The following FASLG variants were observed in gnomAD, a reference collection of about 807,000 sequenced individuals.
FASLG encodes tumor necrosis factor ligand superfamily member 6.
Under a neutral mutation model 24.6 loss-of-function variants are expected in FASLG, and 9 were observed. The ratio of observed to expected loss-of-function variants is 0.37; its 90% CI spans 0.22 to 0.64. FASLG has a LOEUF of 0.64. Among genes scored for constraint, FASLG ranks in the 30% least tolerant of loss-of-function variants. FASLG has a pLI of 0.64. For synonymous variants in FASLG, 130 were observed against 135.5 expected, an observed-to-expected ratio of 0.96 and a Z score of 0.28; for missense variants, 306 against 345.3, an observed-to-expected ratio of 0.89 and a Z score of 0.90.
At chr1:172,661,385 C>T (rs1355603133) in intron 2 of FASLG, among the ~76,000 whole-genome samples, 3 of 152,136 alleles carry the variant, frequency 2.0e-5, no homozygotes, top group Admixed American at 2.0e-4. Flanking sequence ...TGCTCTGGCC[C>T]CTGCTTCTGT....
intron 2 of FASLG, 24 bp downstream of exon 2, chr1:172,660,164 T>C (rs1659106555): frequency 2.5e-6 from 4 of 1,610,436 alleles, no homozygotes; most frequent in East Asian, 2.2e-5. Context: ...CGCATGTACA[T>C]TGAGTTCCCA....
chr1:172,663,164 T>G (rs868655801), intron 2 of FASLG, among the ~76,000 whole-genome samples: 2 of 152,236 alleles, frequency 1.3e-5, no homozygotes, highest in African/African-American at 2.4e-5. Flanking sequence ...TCTGAAACAG[T>G]TGAAGTCAGA....
rs1288530929 is a variant in FASLG, at chr1:172,666,204, A to G, written c.*188A>G. 2 of 643,074 alleles carry G rather than the reference A, an allele frequency of 3.1e-6. No homozygotes were observed. The highest frequency in any genetic ancestry group is 3.7e-5 in the African/African-American group (2 of 54,732). The allele number at this position is 643,074 out of a possible 1,614,324, so 39.8% of individuals were successfully genotyped here. On this transcript the variant is annotated 3_prime_UTR_variant, in exon 4 of 4. Transcript: ENST00000367721. ...TCACCTAATGTTTATGAGCCAGACA[A>G]ATGGAGGAATATGACGGAAGAACAT...
At chr1:172,663,564 A>C (rs1323488111) in intron 2 of FASLG, among the ~76,000 whole-genome samples, 2 of 152,150 alleles carry the variant, frequency 1.3e-5, no homozygotes, top group Admixed American at 6.5e-5. Flanking sequence ...CAGAGGAAGG[A>C]AAGTGGGGGT....
At chr1:172,661,176 A>C (rs1464784359) in intron 2 of FASLG, among the ~76,000 whole-genome samples, 1 of 152,180 alleles carries the variant, frequency 6.6e-6, no homozygotes, top group African/African-American at 2.4e-5. Context: ...TGGAATAAGA[A>C]ATAGATGAAA....
chr1:172,661,546 T>A (rs1659141333), intron 2 of FASLG, among the ~76,000 whole-genome samples: 1 of 152,214 alleles, frequency 6.6e-6, no homozygotes, highest in Non-Finnish European at 1.5e-5. Context: ...TAATTATTCA[T>A]CTTTCACCCA....
chr1:172,664,531 C>G, intron 3 of FASLG, 141 bp downstream of exon 3: 1 of 815,346 alleles, frequency 1.2e-6, no homozygotes, highest in Non-Finnish European at 2.1e-6. Context: ...TAACACTTTT[C>G]TTGTCGAGTC....
In FASLG at chr1:172,666,106, G is replaced by A. The variant is rs1659258394; in HGVS notation, c.*90G>A. On this transcript the variant is annotated 3_prime_UTR_variant, in exon 4 of 4. Transcript: ENST00000367721. Reference sequence around the variant, plus strand: ...AGTGAGGGTCTTCTTACATGCATTTGAGGTCAAGTAAGAAGACATGAACCA... The same window carrying A: ...AGTGAGGGTCTTCTTACATGCATTTAAGGTCAAGTAAGAAGACATGAACCA... 8.5e-6 allele frequency: 13 copies of A among 1,521,262 alleles called. No homozygotes were observed. The South Asian group carries it at 1.5e-4, about 17-fold the overall frequency. The allele number at this position is 1,521,262 out of a possible 1,614,324, so 94.2% of individuals were successfully genotyped here.
chr1:172,664,426 A>G (rs1187777358), intron 3 of FASLG, 36 bp downstream of exon 3: 2 of 1,611,710 alleles, frequency 1.2e-6, no homozygotes, highest in African/African-American at 2.7e-5. Context: ...GATTTGGGAA[A>G]GCTTTTGGCA....
chr1:172,665,884 G>A lies in FASLG; in HGVS notation c.714G>A (p.Met238Ile). 6.2e-7 allele frequency: 1 copy of A among 1,612,526 alleles called. No individual in the cohort carries two copies. Among genetic ancestry groups the A allele is most frequent in the Non-Finnish European group, 8.5e-7 (1 of 1,178,702 alleles). ...KMMSYCTTGQ[M>I]WARSSYLGAV... is the part of the protein sequence containing the mutation. ...TGAGCTACTGCACTACTGGGCAGAT[G>A]TGGGCCCGCAGCAGCTACCTGGGGG... is the stretch of plus-strand genomic sequence containing the variant. The change falls in exon 4 of 4, where the codon ATG (methionine) becomes ATA (isoleucine). Residue 238 changes from methionine (M) to isoleucine (I), a missense_variant. Coordinates refer to ENST00000367721, the MANE Select transcript of FASLG (RefSeq NM_000639.3).
At chr1:172,662,773 A>G (rs1659170700) in intron 2 of FASLG, among the ~76,000 whole-genome samples, 1 of 152,192 alleles carries the variant, frequency 6.6e-6, no homozygotes, top group Non-Finnish European at 1.5e-5. Flanking sequence ...ATTCTTAGTG[A>G]GCATGTTCTG....
Position 172,659,358 on chromosome 1 carries a change from C to T in FASLG, c.157C>T (p.Pro53Ser). The T allele has an allele frequency of 5.6e-6, 9 of 1,611,970 alleles. No individual in the cohort carries two copies. Among genetic ancestry groups the T allele is most frequent in the Non-Finnish European group, 7.6e-6 (9 of 1,179,186 alleles). Residue 53 changes from proline (P) to serine (S), a missense_variant, in exon 1 of 4, where the codon CCA becomes TCA. Physicochemically the swap from Pro to Ser is moderately conservative, Grantham distance 74. Transcript: ENST00000367721. ...GCCACCACCACCACCGCCACCGCCA[C>T]CACTACCACCTCCGCCGCCGCCGCC... ...RRPPPPPPPP[P>S]LPPPPPPPPL...
rs865786240 is a variant in FASLG, at chr1:172,666,108, G to A, written c.*92G>A. ...TGAGGGTCTTCTTACATGCATTTGA[G>A]GTCAAGTAAGAAGACATGAACCAAG... is the stretch of plus-strand genomic sequence containing the variant. On this transcript the variant is annotated 3_prime_UTR_variant, in exon 4 of 4. Transcript: ENST00000367721. The A allele has an allele frequency of 6.6e-7, 1 of 1,508,816 alleles. No homozygotes were observed. The highest frequency in any genetic ancestry group is 9.1e-7 in the Non-Finnish European group (1 of 1,100,476). The allele number at this position is 1,508,816 out of a possible 1,614,324, so 93.5% of individuals were successfully genotyped here.
Position 172,665,695 on chromosome 1 carries a change from G to A in FASLG, c.525G>A (p.Lys175=), listed in dbSNP as rs748115571. 1.9e-6 allele frequency: 3 copies of A among 1,614,188 alleles called. No homozygotes were observed. The highest frequency in any genetic ancestry group is 1.1e-5 in the South Asian group (1 of 91,084). Residue 175 remains lysine (K), a synonymous_variant, in exon 4 of 4, where the codon AAG becomes AAA. Transcript: ENST00000367721. The stretch of plus-strand genomic sequence containing the variant: ...GAATTGTCCTGCTTTCTGGAGTGAA[G>A]TATAAGAAGGGTGGCCTTGTGATCA... The part of the protein sequence containing the change: ...TYGIVLLSGV[K]YKKGGLVINE...
rs1659202349 is a variant in FASLG, at chr1:172,664,185, C to T, written c.395-149C>T. On this transcript the variant is annotated intron_variant, in intron 2 of 3. Coordinates refer to ENST00000367721, the MANE Select transcript of FASLG (RefSeq NM_000639.3). ...GAAATATAGACTACTATGAATCCTG[C>T]AGTTCAGACCTACATGATTAGTATA... The T allele has an allele frequency of 3.8e-5, 28 of 741,222 alleles. No homozygotes were observed. The South Asian group carries it at 4.8e-4, about 13-fold the overall frequency. 45.9% of individuals were successfully genotyped at this position (741,222 alleles called of 1,614,324 possible). A position where few individuals can be genotyped will look rare whatever the true frequency, so the allele number is the denominator to read the frequency against.
intron 3 of FASLG, 131 bp from the exon 4 acceptor site, chr1:172,665,491 C>A (rs999471769): frequency 2.0e-6 from 2 of 1,018,334 alleles, no homozygotes; most frequent in Non-Finnish European, 2.9e-6. Flanking sequence ...GACCCCTCAG[C>A]CAGTTCTATA....
At chr1:172,661,841 G>A (rs562326608) in intron 2 of FASLG, among the ~76,000 whole-genome samples, 1 of 152,252 alleles carries the variant, frequency 6.6e-6, no homozygotes, top group South Asian at 2.1e-4. Flanking sequence ...CAGTATACAT[G>A]TAAATTGCTA....
In FASLG at chr1:172,659,414, G is replaced by A. The variant is rs748880504; in HGVS notation, c.213G>A (p.Leu71=). 9.9e-6 allele frequency: 16 copies of A among 1,613,100 alleles called. No individual in the cohort carries two copies. The African/African-American group carries it at 1.9e-4, about 19-fold the overall frequency. ...PPLPPLPLPP[L]KKRGNHSTGL... is the part of the protein sequence containing the mutation. ...TGCCTCCACTACCGCTGCCACCCCTGAAGAAGAGAGGGAACCACAGCACAG... is the reference window on the plus strand; with the variant it reads ...TGCCTCCACTACCGCTGCCACCCCTAAAGAAGAGAGGGAACCACAGCACAG... The change falls in exon 1 of 4, where the codon CTG becomes CTA. Residue 71 remains leucine (L), a synonymous_variant. Transcript: ENST00000367721.
chr1:172,662,696 G>A (rs962117141), intron 2 of FASLG, among the ~76,000 whole-genome samples: 1 of 152,184 alleles, frequency 6.6e-6, no homozygotes. Flanking sequence ...CCTGGGGCAG[G>A]AAGCACTCAT....
Sources: gnomAD v4.1 joint callset for allele counts (sites outside exome capture counted in the v4.1 genomes callset) on GRCh38, gnomAD v4.1.1 for gene constraint, MANE v1.5 for transcripts, NCBI Gene and HGNC (gene_info 2026-07-23, HGNC 2026-07-21) for gene names.